Variants in CD2AP observed in about 807,000 individuals in gnomAD.
The protein encoded by CD2AP is CD2-associated protein.
A neutral mutation model predicts 85.1 loss-of-function variants in CD2AP; 46 were observed. The observed-to-expected ratio is 0.54, with a 90% CI of 0.43 to 0.69. The LOEUF (loss-of-function observed/expected upper bound fraction) is 0.69, where lower values mean the gene tolerates loss of function less well. Ranked by LOEUF, CD2AP falls within the 30% of genes least tolerant of loss-of-function variation. The pLI is 0.00. For synonymous variants in CD2AP, 255 were observed against 252.9 expected, an observed-to-expected ratio of 1.01 and a Z score of -0.08; for missense variants, 769 against 729.5, an observed-to-expected ratio of 1.05 and a Z score of -0.62.
At chr6:47,595,396 T>G (rs918386521) in intron 11 of CD2AP, among the ~76,000 whole-genome samples, 3 of 152,004 alleles carry the variant, frequency 2.0e-5, no homozygotes, top group Admixed American at 6.6e-5. Flanking sequence ...CATTTGATTT[T>G]TTTTTCCTTC....
intron 2 of CD2AP, among the ~76,000 whole-genome samples, chr6:47,507,577 C>T (rs966293896): frequency 2.0e-5 from 3 of 152,078 alleles, no homozygotes; most frequent in Admixed American, 2.0e-4. Flanking sequence ...CTTGCCTCCC[C>T]TTGGATTACA....
Position 47,544,487 on chromosome 6 carries a change from C to T in CD2AP, c.320-119C>T. 5.7e-6 allele frequency: 4 copies of T among 697,592 alleles called. No homozygotes were observed. In the East Asian group the frequency reaches 1.1e-4, roughly 19 times the overall value. 43.2% of individuals were successfully genotyped at this position (697,592 alleles called of 1,614,324 possible). Reference sequence around the variant, plus strand: ...TGATTGTGATTAGCTGTTTAGAATGCTCATACGTTCTGTTTTTATTTATTT... The same window carrying T: ...TGATTGTGATTAGCTGTTTAGAATGTTCATACGTTCTGTTTTTATTTATTT... On this transcript the variant is annotated intron_variant, in intron 3 of 17. Transcript: ENST00000359314.
At chr6:47,500,848 G>A (rs547298575) in intron 1 of CD2AP, among the ~76,000 whole-genome samples, 1 of 151,422 alleles carries the variant, frequency 6.6e-6, no homozygotes, top group South Asian at 2.1e-4. Context: ...CCGGATTCAC[G>A]CCATTTCTCC....
chr6:47,553,102 T>C (rs1305021624), intron 4 of CD2AP, among the ~76,000 whole-genome samples: 4 of 152,138 alleles, frequency 2.6e-5, no homozygotes, highest in African/African-American at 9.7e-5. Context: ...ATTGATTTTT[T>C]CTTTAAGTGT....
At chr6:47,536,940 C>T (rs901060908) in intron 3 of CD2AP, among the ~76,000 whole-genome samples, 2 of 152,154 alleles carry the variant, frequency 1.3e-5, no homozygotes, top group Non-Finnish European at 2.9e-5. Context: ...TTGGAAGAAA[C>T]TGATACCAGA....
At chr6:47,517,553 G>T (rs947822387) in intron 2 of CD2AP, among the ~76,000 whole-genome samples, 10 of 152,134 alleles carry the variant, frequency 6.6e-5, no homozygotes, top group Admixed American at 1.3e-4. Flanking sequence ...ACCTCCCAAA[G>T]TGCTGAGATT....
intron 2 of CD2AP, among the ~76,000 whole-genome samples, chr6:47,515,704 A>G (rs1766434752): frequency 6.6e-6 from 1 of 152,220 alleles, no homozygotes; most frequent in Non-Finnish European, 1.5e-5. Flanking sequence ...AATCCTAGTC[A>G]TTGAAATTTT....
At chr6:47,561,900 C>T (rs940555915) in intron 5 of CD2AP, among the ~76,000 whole-genome samples, 1 of 152,088 alleles carries the variant, frequency 6.6e-6, no homozygotes, top group Non-Finnish European at 1.5e-5. Context: ...CCTGCGTCAA[C>T]CTCCCAAGTA....
intron 1 of CD2AP, among the ~76,000 whole-genome samples, chr6:47,492,259 T>C (rs1765754563): frequency 1.3e-5 from 2 of 151,808 alleles, no homozygotes; most frequent in African/African-American, 4.8e-5. Flanking sequence ...ATCTAGGCAC[T>C]GGCAAATTTG....
At position 47,556,055 on chromosome 6, in the gene CD2AP, C is replaced by CT. The variant is rs75174694; in HGVS notation, c.541+1305dup. Among the ~76,000 whole-genome samples the CT allele has an allele frequency of 2.8e-3, 359 of 129,972 alleles. 1 individual carries two copies. Among genetic ancestry groups the CT allele is most frequent in the Middle Eastern group, 3.9e-3 (1 of 258 alleles). 85.3% of individuals were successfully genotyped at this position (129,972 alleles called of 152,430 possible). On this transcript the variant is annotated intron_variant, in intron 5 of 17. Transcript: ENST00000359314. ...AAGAATGCAATTTTTTTTTCCTTTT[C>CT]TTTTTTTTTTTTTTTTAATTATACT...
chr6:47,589,565 C>CACACACATATAT (rs139814970), intron 11 of CD2AP, among the ~76,000 whole-genome samples: 173 of 120,996 alleles, frequency 1.4e-3, no homozygotes, highest in African/African-American at 4.9e-3. Context: ...CACACACACA[C>CACACACATATAT]ATATATATAT....
chr6:47,562,959 G>A, intron 5 of CD2AP: 1 of 516,756 alleles, frequency 1.9e-6, no homozygotes, highest in Non-Finnish European at 3.6e-6. Flanking sequence ...AGTAGTTAAG[G>A]ACTATGGCAA....
intron 5 of CD2AP, among the ~76,000 whole-genome samples, chr6:47,561,842 G>T (rs745815752): frequency 2.6e-5 from 4 of 152,046 alleles, no homozygotes; most frequent in African/African-American, 9.7e-5. Context: ...GTGCAGTGGC[G>T]CGATCTTGGC....
intron 2 of CD2AP, among the ~76,000 whole-genome samples, chr6:47,532,611 T>TGC (rs1256482464): frequency 6.6e-6 from 1 of 152,186 alleles, no homozygotes; most frequent in Non-Finnish European, 1.5e-5. Context: ...GTTTCATTTA[T>TGC]CAGTACTGTC....
At chr6:47,541,505 A>G (rs972558463) in intron 3 of CD2AP, among the ~76,000 whole-genome samples, 4 of 152,326 alleles carry the variant, frequency 2.6e-5, no homozygotes, top group African/African-American at 9.6e-5. Context: ...TAGGAAGGGG[A>G]AAAAACCTTA....
intron 11 of CD2AP, among the ~76,000 whole-genome samples, chr6:47,589,419 T>C (rs148027415): frequency 1.1e-4 from 8 of 75,400 alleles, no homozygotes; most frequent in East Asian, 5.3e-4. Context: ...CACATATATA[T>C]ACACAAATAT....
intron 5 of CD2AP, among the ~76,000 whole-genome samples, chr6:47,561,621 A>G (rs1296949870): frequency 6.6e-6 from 1 of 152,160 alleles, no homozygotes; most frequent in Non-Finnish European, 1.5e-5. Flanking sequence ...ACCTCTACCC[A>G]TATGTCTTGA....
At chr6:47,528,420 C>T (rs1230731977) in intron 2 of CD2AP, among the ~76,000 whole-genome samples, 1 of 152,168 alleles carries the variant, frequency 6.6e-6, no homozygotes, top group African/African-American at 2.4e-5. Flanking sequence ...AGTGATCTGC[C>T]AGCCTCAGCC....
intron 3 of CD2AP, among the ~76,000 whole-genome samples, chr6:47,536,995 T>C (rs1431781535): frequency 6.6e-6 from 1 of 152,246 alleles, no homozygotes; most frequent in Non-Finnish European, 1.5e-5. Context: ...TGTTTGCTAA[T>C]TGTATTTTCC....
Sources: allele counts gnomAD v4.1 joint callset (sites outside exome capture counted in the v4.1 genomes callset), GRCh38; gene constraint gnomAD v4.1.1; transcripts MANE v1.5; gene names NCBI Gene and HGNC (gene_info 2026-07-23, HGNC 2026-07-21).